The following UBAC2 variants were observed in gnomAD, a reference collection of about 807,000 sequenced individuals.
UBAC2 encodes the protein UBA domain containing 2.
UBAC2 carries 26 observed loss-of-function variants against 44.0 expected under a neutral mutation model. The observed-to-expected ratio is 0.59, with a 90% CI of 0.43 to 0.82. The LOEUF (loss-of-function observed/expected upper bound fraction) is 0.82. UBAC2 is among the 40% of genes least tolerant of loss of function. UBAC2 has a pLI of 0.00. For synonymous variants in UBAC2, 155 were observed against 154.3 expected (o/e 1.00, Z -0.04); for missense variants, 329 against 419.4 (o/e 0.78, Z 1.88).
At chr13:99,383,160 G>A (rs903696798) in intron 8 of UBAC2, among the ~76,000 whole-genome samples, 4 of 152,240 alleles carry the variant, frequency 2.6e-5, no homozygotes, top group Non-Finnish European at 5.9e-5. Context: ...GCATGTGTGT[G>A]TGTGTGCCTG....
intron 4 of UBAC2, among the ~76,000 whole-genome samples, chr13:99,305,708 T>G (rs1453094311): frequency 6.6e-6 from 1 of 152,202 alleles, no homozygotes; most frequent in African/African-American, 2.4e-5. Context: ...TCATTACCAT[T>G]GTCACTAACG....
chr13:99,248,871 G>T (rs1305833280), intron 4 of UBAC2, among the ~76,000 whole-genome samples: 3 of 152,186 alleles, frequency 2.0e-5, no homozygotes, highest in Non-Finnish European at 4.4e-5. Context: ...GAAAACTCAT[G>T]TTCAGAAGCT....
chr13:99,218,293 A>C (rs1340070481), intron 1 of UBAC2, among the ~76,000 whole-genome samples: 1 of 152,224 alleles, frequency 6.6e-6, no homozygotes, highest in Non-Finnish European at 1.5e-5. Flanking sequence ...ATGAACATTT[A>C]GGTGCCCAGT....
chr13:99,384,923 G>T (rs745326847), intron 8 of UBAC2, among the ~76,000 whole-genome samples: 2 of 152,240 alleles, frequency 1.3e-5, no homozygotes, highest in Non-Finnish European at 2.9e-5. Flanking sequence ...AGCCTGGGCA[G>T]CTCATGCCGA....
intron 4 of UBAC2, among the ~76,000 whole-genome samples, chr13:99,308,349 G>T (rs959345606): frequency 6.6e-6 from 1 of 152,114 alleles, no homozygotes; most frequent in African/African-American, 2.4e-5. Context: ...TAGGCATAGG[G>T]TCATTATCCT....
At chr13:99,364,396 G>T (rs1043849396) in intron 7 of UBAC2, among the ~76,000 whole-genome samples, 1 of 149,550 alleles carries the variant, frequency 6.7e-6, no homozygotes, top group African/African-American at 2.5e-5. Flanking sequence ...AACATTGTTG[G>T]ATTGAATTTG....
chr13:99,363,326 T>TC (rs1162363909), intron 7 of UBAC2, among the ~76,000 whole-genome samples: 1 of 152,224 alleles, frequency 6.6e-6, no homozygotes, highest in African/African-American at 2.4e-5. Flanking sequence ...AGCTTTAACT[T>TC]CAAGTAGTCT....
Position 99,338,047 on chromosome 13 carries a change from CTTTTTTTTT to C in UBAC2, c.562-2253_562-2245del, listed in dbSNP as rs869112086. Reference sequence around the variant, plus strand: ...ATCTCCTAACTTTTTTTCTTTTTTTCTTTTTTTTTTTTTTTTTTTTTTTTTTTTGAGACA... The same window carrying C: ...ATCTCCTAACTTTTTTTCTTTTTTTCTTTTTTTTTTTTTTTTTTTGAGACA... On this transcript the variant is annotated intron_variant, in intron 6 of 8. Transcript: ENST00000403766. Among the ~76,000 whole-genome samples, 170 of 48,872 alleles carry C rather than the reference CTTTTTTTTT, an allele frequency of 3.5e-3. 7 individuals carry two copies. The highest frequency in any genetic ancestry group is 1.0e-2 in the African/African-American group (141 of 14,120). 32.1% of individuals were successfully genotyped at this position (48,872 alleles called of 152,430 possible).
chr13:99,200,888 G>A lies in UBAC2; in HGVS notation c.-21G>A, dbSNP rs757869105. On this transcript the variant is annotated 5_prime_UTR_variant, in exon 1 of 9. Coordinates refer to ENST00000403766, the MANE Select transcript of UBAC2 (RefSeq NM_001144072.2). ...CTTCCCCTCCCCCGGCGCCCTCTGG[G>A]GCTCCGAGCCCGGCGGGACCATGTT... is the stretch of plus-strand genomic sequence containing the variant. 156 of 1,302,460 alleles carry A rather than the reference G, an allele frequency of 1.2e-4. No individual in the cohort carries two copies. The highest frequency in any genetic ancestry group is 1.4e-4 in the Non-Finnish European group (144 of 1,017,564). The allele number at this position is 1,302,460 out of a possible 1,614,324, so 80.7% of individuals were successfully genotyped here. A position where few individuals can be genotyped will look rare whatever the true frequency, so the allele number is the denominator to read the frequency against.
intron 7 of UBAC2, among the ~76,000 whole-genome samples, chr13:99,346,580 T>A (rs1423563378): frequency 6.6e-6 from 1 of 152,224 alleles, no homozygotes; most frequent in East Asian, 1.9e-4. Flanking sequence ...CTTTCCTCTC[T>A]GCCCAGAATG....
intron 6 of UBAC2, among the ~76,000 whole-genome samples, chr13:99,335,705 C>G (rs2044778668): frequency 6.6e-6 from 1 of 152,246 alleles, no homozygotes; most frequent in Non-Finnish European, 1.5e-5. Context: ...ATAACCCACT[C>G]TGCAGCTGTT....
chr13:99,242,610 G>T (rs1421069329), intron 2 of UBAC2, among the ~76,000 whole-genome samples: 2 of 68,016 alleles, frequency 2.9e-5, no homozygotes, highest in African/African-American at 5.4e-5. Context: ...CCTCCCAGAC[G>T]GGGTGGCTGG....
intron 6 of UBAC2, among the ~76,000 whole-genome samples, chr13:99,337,001 A>G (rs2044798773): frequency 6.6e-6 from 1 of 150,478 alleles, no homozygotes. Context: ...CCTAGCACAC[A>G]TAGTCATCAT....
At chr13:99,272,344 A>G (rs1429156469) in intron 4 of UBAC2, among the ~76,000 whole-genome samples, 2 of 152,122 alleles carry the variant, frequency 1.3e-5, no homozygotes, top group African/African-American at 4.8e-5. Context: ...AACATCACCC[A>G]CTTTCAACAC....
intron 1 of UBAC2, among the ~76,000 whole-genome samples, chr13:99,235,931 G>T (rs890649733): frequency 6.6e-6 from 1 of 151,960 alleles, no homozygotes; most frequent in African/African-American, 2.4e-5. Context: ...TCATGCTGCT[G>T]GACTCCAGCT....
chr13:99,295,523 G>A lies in UBAC2; in HGVS notation c.390-18574G>A. On this transcript the variant is annotated intron_variant, in intron 4 of 8. Transcript: ENST00000403766. This position sits in a 1 kb window ranked among gnomAD's most constrained non-coding sequence, Gnocchi z 4.1. Reference sequence around the variant, plus strand: ...ATAGCAGATGAGAATGATTATAAGTGGAAGTACATATCCTATGAAACATGC... The same window carrying A: ...ATAGCAGATGAGAATGATTATAAGTAGAAGTACATATCCTATGAAACATGC... The A allele has an allele frequency of 6.2e-7, 1 of 1,613,882 alleles. No individual in the cohort carries two copies. Among genetic ancestry groups the A allele is most frequent in the Non-Finnish European group, 8.5e-7 (1 of 1,179,996 alleles).
chr13:99,361,871 TC>T (rs1230347513), intron 7 of UBAC2, among the ~76,000 whole-genome samples: 1 of 152,058 alleles, frequency 6.6e-6, no homozygotes, highest in Non-Finnish European at 1.5e-5. Flanking sequence ...ATGGTGCACA[TC>T]TATAGTCTCA....
At chr13:99,353,452 T>C (rs2045127031) in intron 7 of UBAC2, among the ~76,000 whole-genome samples, 1 of 152,242 alleles carries the variant, frequency 6.6e-6, no homozygotes, top group Non-Finnish European at 1.5e-5. Flanking sequence ...TCATTTCTAT[T>C]TTCCATCCTG....
At chr13:99,348,586 A>G (rs9585037) in intron 7 of UBAC2, among the ~76,000 whole-genome samples, 1 of 152,192 alleles carries the variant, frequency 6.6e-6, no homozygotes, top group Admixed American at 6.5e-5. Flanking sequence ...CGGGTCTTCT[A>G]CCAAACTAAG....
Sources: gnomAD v4.1 joint callset for allele counts (sites outside exome capture counted in the v4.1 genomes callset) on GRCh38, gnomAD v4.1.1 for gene constraint, Gnocchi (gnomAD v3.1) non-coding constraint, MANE v1.5 for transcripts, NCBI Gene and HGNC (gene_info 2026-07-23, HGNC 2026-07-21) for gene names.